RAB33A: variants seen among roughly 807,000 people sequenced by gnomAD.
RAB33A encodes the protein RAB33A, member RAS oncogene family.
RAB33A carries 6 observed loss-of-function variants against 12.0 expected under a neutral mutation model. The ratio of observed to expected loss-of-function variants is 0.50; its 90% confidence interval spans 0.27 to 0.99. The LOEUF (loss-of-function observed/expected upper bound fraction) is 0.99. Among genes scored for constraint, RAB33A ranks in the 50% least tolerant of loss-of-function variants. RAB33A has a pLI of 0.11. For synonymous variants in RAB33A, 70 were observed against 82.4 expected (o/e 0.85, Z 0.81); for missense variants, 109 against 192.0 (o/e 0.57, Z 2.55).
chrX:130,160,541 A>G, the RAB33A span, among the ~76,000 whole-genome samples: 1 of 112,013 alleles, frequency 8.9e-6, no homozygotes, highest in African/African-American at 3.2e-5. Context: ...GGAAATAGAA[A>G]TTCTTCCTAA....
At chrX:130,161,526 A>C in the RAB33A span, among the ~76,000 whole-genome samples, 11 of 108,419 alleles carry the variant, frequency 1.0e-4, no homozygotes, top group Non-Finnish European at 2.1e-4. Context: ...AAAAAAAAAA[A>C]AAAAAACACA....
At chrX:130,158,475 G>A in the RAB33A span, among the ~76,000 whole-genome samples, 1 of 110,005 alleles carries the variant, frequency 9.1e-6, no homozygotes, top group Non-Finnish European at 1.9e-5. Flanking sequence ...AGGCCCAGAG[G>A]TTCTGATTCA....
chrX:130,129,027 A>G, the RAB33A span, among the ~76,000 whole-genome samples: 96 of 112,495 alleles, frequency 8.5e-4, no homozygotes, highest in African/African-American at 3.0e-3. Flanking sequence ...AGGCCTTAAC[A>G]TCAGGGCTTC....
chrX:130,157,210 G>A, the RAB33A span, among the ~76,000 whole-genome samples: 54,554 of 110,858 alleles, frequency 0.49, 10,314 homozygotes, highest in African/African-American at 0.69. Context: ...GACAAAATGT[G>A]AAGTGTCCAG....
At chrX:130,175,083 T>C (rs2031651017) in intron 1 of RAB33A, among the ~76,000 whole-genome samples, 1 of 111,874 alleles carries the variant, frequency 8.9e-6, no homozygotes, top group African/African-American at 3.3e-5. Context: ...TATTTACTCC[T>C]CACAGCAGCT....
the RAB33A span, among the ~76,000 whole-genome samples, chrX:130,123,159 G>C: frequency 9.0e-6 from 1 of 111,713 alleles, no homozygotes; most frequent in Non-Finnish European, 1.9e-5. Context: ...AACACTGAAA[G>C]ACTGTTGCAG....
At chrX:130,144,053 T>C in the RAB33A span, among the ~76,000 whole-genome samples, 1 of 111,980 alleles carries the variant, frequency 8.9e-6, no homozygotes, top group Non-Finnish European at 1.9e-5. Flanking sequence ...AAGAGGGAAA[T>C]AATACCTACC....
At chrX:130,152,600 T>C in the RAB33A span, among the ~76,000 whole-genome samples, 1 of 111,702 alleles carries the variant, frequency 9.0e-6, no homozygotes, top group African/African-American at 3.3e-5. Context: ...AGCTTAACAA[T>C]AGCAAAGGGC....
At chrX:130,147,638 A>C in the RAB33A span, 5 of 1,210,531 alleles carry the variant, frequency 4.1e-6, no homozygotes, top group East Asian at 1.5e-4. Context: ...AGACATAAAA[A>C]TCATGACGCT....
the RAB33A span, among the ~76,000 whole-genome samples, chrX:130,153,278 G>A: frequency 4.8e-5 from 5 of 103,943 alleles, no homozygotes; most frequent in South Asian, 9.4e-4. Context: ...GCATGAACCC[G>A]GGAGGCGGAC....
At chrX:130,131,983 C>T in the RAB33A span, among the ~76,000 whole-genome samples, 8 of 111,293 alleles carry the variant, frequency 7.2e-5, no homozygotes, top group East Asian at 2.0e-3. Flanking sequence ...AGTGATTCTC[C>T]AGCCTCAGCC....
the RAB33A span, among the ~76,000 whole-genome samples, chrX:130,159,590 T>C: frequency 1.8e-5 from 2 of 111,515 alleles, no homozygotes; most frequent in Non-Finnish European, 3.8e-5. Flanking sequence ...CTGGTTCATT[T>C]ACTAAAAATA....
At chrX:130,158,767 T>C in the RAB33A span, among the ~76,000 whole-genome samples, 1 of 105,908 alleles carries the variant, frequency 9.4e-6, no homozygotes, top group Non-Finnish European at 1.9e-5. Context: ...TAAGAAAGTT[T>C]ACAAATTTGT....
the RAB33A span, chrX:130,136,852 G>T: frequency 9.9e-7 from 1 of 1,007,745 alleles, no homozygotes; most frequent in Non-Finnish European, 1.4e-6. Flanking sequence ...AGGCAGTTTT[G>T]GAGAGCTGCA....
At chrX:130,183,908 A>G (rs1481357833) in intron 1 of RAB33A, among the ~76,000 whole-genome samples, 1 of 111,195 alleles carries the variant, frequency 9.0e-6, no homozygotes, top group Non-Finnish European at 1.9e-5. Flanking sequence ...ATTTTTTTTG[A>G]AATGGAGTTT....
At chrX:130,134,417 C>T in the RAB33A span, among the ~76,000 whole-genome samples, 1 of 110,803 alleles carries the variant, frequency 9.0e-6, no homozygotes, top group African/African-American at 3.3e-5. Flanking sequence ...GACTGCCTCT[C>T]ACCTAGAAAT....
Position 130,184,500 on chromosome X carries a change from G to T in RAB33A, c.474G>T (p.Gln158His). 1 of 1,211,790 alleles carries T rather than the reference G, an allele frequency of 8.3e-7. No homozygotes were observed. The highest frequency in any genetic ancestry group is 1.1e-6 in the Non-Finnish European group (1 of 895,226). Reference sequence around the variant, plus strand: ...GCAACAAGTGTGACTTGAGGGAACAGATCCAGGTGCCCTCCAACTTAGCCC... The same window carrying T: ...GCAACAAGTGTGACTTGAGGGAACATATCCAGGTGCCCTCCAACTTAGCCC... ...LVGNKCDLRE[Q>H]IQVPSNLALK... Residue 158 changes from glutamine to histidine, a missense_variant, in exon 2 of 2, where the codon CAG (glutamine) becomes CAT (histidine). Transcript: ENST00000257017.
chrX:130,165,949 A>T, the RAB33A span: 108 of 371,134 alleles, frequency 2.9e-4, no homozygotes, highest in African/African-American at 2.5e-3. Flanking sequence ...GCTCGCAAAG[A>T]CGCTGGCTCT....
chrX:130,121,739 G>A, the RAB33A span, among the ~76,000 whole-genome samples: 2 of 112,676 alleles, frequency 1.8e-5, no homozygotes, highest in Non-Finnish European at 3.8e-5. Flanking sequence ...ATGTTTGCAA[G>A]ATTGGGCAAA....
Sources: gnomAD v4.1 joint callset for allele counts (sites outside exome capture counted in the v4.1 genomes callset) on GRCh38, gnomAD v4.1.1 for gene constraint, MANE v1.5 for transcripts, NCBI Gene and HGNC (gene_info 2026-07-23, HGNC 2026-07-21) for gene names.